AMZ1: variants seen among roughly 807,000 people sequenced by gnomAD.
AMZ1 encodes the protein archaelysin family metallopeptidase 1, also known as archaemetzincin-1.
Under a neutral mutation model 29.9 loss-of-function variants are expected in AMZ1, and 39 were observed. That is an observed-to-expected ratio of 1.30 (90% CI 1.01 to 1.70). AMZ1 has a LOEUF of 1.70. Ranked by LOEUF, AMZ1 falls within the 40% of genes most tolerant of loss-of-function variation. The pLI, the probability that AMZ1 is intolerant of heterozygous loss-of-function variation, is 0.00. For missense variants in AMZ1, 1,041 were observed against 680.6 expected, an observed-to-expected ratio of 1.53 and a Z score of -5.89; for synonymous variants, 458 against 304.0, an observed-to-expected ratio of 1.51 and a Z score of -5.27.
intron 4 of AMZ1, among the ~76,000 whole-genome samples, chr7:2,748,890 G>C (rs1259437402): frequency 2.6e-5 from 4 of 152,196 alleles, no homozygotes; most frequent in Non-Finnish European, 5.9e-5. Flanking sequence ...CATTTATGCA[G>C]CCAAAAGACA....
rs569737913 is a variant in AMZ1 at position 2,719,008 on chromosome 7, C to CTT, written c.*6145_*6146dup. ...GGAGGGAAGCTGCAAGAACAGGCGA[C>CTT]TTTTTTTTTTTTTTTTCCCCCCCAT... On this transcript the variant is annotated 3_prime_UTR_variant, in exon 7 of 7. Transcript: ENST00000683327. Among the ~76,000 whole-genome samples, 1,266 of 104,896 alleles carry CTT rather than the reference C, an allele frequency of 0.012. 16 individuals carry two copies. The highest frequency in any genetic ancestry group is 0.045 in the African/African-American group (1,191 of 26,708). 68.8% of individuals were successfully genotyped at this position (104,896 alleles called of 152,430 possible).
In AMZ1 at chr7:2,709,685, C is replaced by G; in HGVS notation, c.817C>G (p.Arg273Gly). Residue 273 changes from arginine (R) to glycine (G), a missense_variant, in exon 6 of 7, where the codon CGC (arginine) becomes GGC (glycine). Coordinates refer to ENST00000683327, the MANE Select transcript of AMZ1 (RefSeq NM_001384743.1). Reference sequence around the variant, plus strand: ...CCACCTTCTGGGCCTGGGGAACTGCCGCTGGCTCCGCTGCCTCATGCAGGG... The same window carrying G: ...CCACCTTCTGGGCCTGGGGAACTGCGGCTGGCTCCGCTGCCTCATGCAGGG... ...LCHLLGLGNCRWLRCLMQGAL... is the reference protein window; with the variant it reads ...LCHLLGLGNCGWLRCLMQGAL... 3 of 1,610,794 alleles carry G rather than the reference C, an allele frequency of 1.9e-6. No individual in the cohort carries two copies. The highest frequency in any genetic ancestry group is 2.5e-6 in the Non-Finnish European group (3 of 1,179,722).
intron 4 of AMZ1, 138 bp downstream of exon 4, chr7:2,708,854 T>G: frequency 2.9e-6 from 4 of 1,396,770 alleles, no homozygotes; most frequent in Non-Finnish European, 2.9e-6. Flanking sequence ...TGGGAATAGA[T>G]GGCCCCTTCC....
intron 4 of AMZ1, among the ~76,000 whole-genome samples, chr7:2,747,345 T>C (rs1268985343): frequency 1.3e-5 from 2 of 152,238 alleles, no homozygotes; most frequent in Non-Finnish European, 1.5e-5. Flanking sequence ...GCTTCATCCC[T>C]GGGATGCAAG....
chr7:2,741,444 A>C (rs1790499473), intron 4 of AMZ1, among the ~76,000 whole-genome samples: 1 of 152,044 alleles, frequency 6.6e-6, no homozygotes, highest in African/African-American at 2.4e-5. Context: ...AATCTCTAAA[A>C]CCCAGCAAGT....
upstream of AMZ1, chr7:2,762,297 G>A (rs1054096680): frequency 1.8e-5 from 5 of 275,258 alleles, no homozygotes; most frequent in African/African-American, 6.6e-5. Flanking sequence ...CGGGGCCGGC[G>A]TGCACCCACC....
intron 4 of AMZ1, among the ~76,000 whole-genome samples, chr7:2,754,822 T>A (rs1389732664): frequency 6.6e-6 from 1 of 152,192 alleles, no homozygotes; most frequent in Non-Finnish European, 1.5e-5. Context: ...AAAATTTGAT[T>A]TCAACGGATC....
rs1256621675 is a variant in AMZ1, at chr7:2,715,725, C to G, written c.*2847C>G. ...CTCTCCCCCGTGTTAGCCCCAGGTTCTGTCTGTGCTGTGGTGAAGAGTGAC... is the reference window on the plus strand; with the variant it reads ...CTCTCCCCCGTGTTAGCCCCAGGTTGTGTCTGTGCTGTGGTGAAGAGTGAC... On this transcript the variant is annotated 3_prime_UTR_variant, in exon 7 of 7. Coordinates refer to ENST00000683327, the MANE Select transcript of AMZ1 (RefSeq NM_001384743.1). The G allele has an allele frequency of 6.6e-6, 1 of 152,220 alleles. No homozygotes were observed. Among genetic ancestry groups the G allele is most frequent in the Non-Finnish European group, 1.5e-5 (1 of 68,052 alleles). 9.4% of individuals were successfully genotyped at this position (152,220 alleles called of 1,614,324 possible).
Position 2,713,652 on chromosome 7 carries a change from CTG to C in AMZ1, c.*776_*777del, listed in dbSNP as rs1039471264. 266 of 152,602 alleles carry C rather than the reference CTG, an allele frequency of 1.7e-3. No individual in the cohort carries two copies. The highest frequency in any genetic ancestry group is 6.3e-3 in the African/African-American group (260 of 41,590). The allele number at this position is 152,602 out of a possible 1,614,324, so 9.5% of individuals were successfully genotyped here. On this transcript the variant is annotated 3_prime_UTR_variant, in exon 7 of 7. Transcript: ENST00000683327. Reference sequence around the variant, plus strand: ...GGCGTCAACCACATGCACACACACACTGTCACGTTCTGTGGCGCTAACAGCAT... The same window carrying C: ...GGCGTCAACCACATGCACACACACACTCACGTTCTGTGGCGCTAACAGCAT...
chr7:2,733,644 G>A (rs1234011316), intron 4 of AMZ1: 26 of 656,940 alleles, frequency 4.0e-5, no homozygotes, highest in East Asian at 1.4e-4. Context: ...GAGAGTGTCC[G>A]TGTGTTTTCT....
At chr7:2,758,871 G>T (rs977625991) in intron 4 of AMZ1, among the ~76,000 whole-genome samples, 5 of 152,312 alleles carry the variant, frequency 3.3e-5, no homozygotes, top group Non-Finnish European at 7.3e-5. Context: ...TCTGCTGGGC[G>T]CGGTGGCTCA....
rs769240157 is a variant in AMZ1, at chr7:2,718,685, G to C, written c.*5807G>C. The stretch of plus-strand genomic sequence containing the variant: ...ACCATTTCTTCCAACACTTTCTCAC[G>C]TAGGAGCTCCACTGTCCCTTCTAAC... On this transcript the variant is annotated 3_prime_UTR_variant, in exon 7 of 7. Transcript: ENST00000683327. Among the ~76,000 whole-genome samples the C allele has an allele frequency of 6.6e-6, 1 of 152,214 alleles. No individual in the cohort carries two copies. Among genetic ancestry groups the C allele is most frequent in the African/African-American group, 2.4e-5 (1 of 41,460 alleles).
chr7:2,696,597 A>G lies in AMZ1; in HGVS notation c.-218-3637A>G, dbSNP rs542962763. On this transcript the variant is annotated intron_variant, in intron 1 of 6. Transcript: ENST00000683327. ...CTGCTGCTGATGACTTAGAACTTCC[A>G]GGGCTGGCCGGGCACGGTGGCTCAT... is the stretch of plus-strand genomic sequence containing the variant. Among the ~76,000 whole-genome samples, 5 of 151,318 alleles carry G rather than the reference A, an allele frequency of 3.3e-5. No homozygotes were observed. In the East Asian group the frequency reaches 1.0e-3, roughly 30 times the overall value.
At chr7:2,686,943 G>T (rs1446250719), upstream of AMZ1, among the ~76,000 whole-genome samples, 5 of 151,872 alleles carry the variant, frequency 3.3e-5, no homozygotes, top group Admixed American at 2.0e-4. Flanking sequence ...TTGAACTCCT[G>T]ACCTTGTGAT....
intron 4 of AMZ1, among the ~76,000 whole-genome samples, chr7:2,745,117 T>A (rs1790703460): frequency 6.6e-6 from 1 of 152,134 alleles, no homozygotes; most frequent in African/African-American, 2.4e-5. Context: ...CCAGGAAAAC[T>A]TCCCCAATCT....
chr7:2,695,880 G>T (rs951635471), intron 1 of AMZ1, among the ~76,000 whole-genome samples: 2 of 151,718 alleles, frequency 1.3e-5, no homozygotes, highest in South Asian at 2.1e-4. Flanking sequence ...CGTGGTGGCG[G>T]GCACCTGTAG....
chr7:2,731,633 G>A lies in AMZ1; in HGVS notation n.550+21817G>A, dbSNP rs980878134. On this transcript the variant is annotated intron_variant and non_coding_transcript_variant, in intron 4 of 4. Coordinates refer to the AMZ1 transcript ENST00000489665. The surrounding 1 kb of genome is among the most constrained non-coding windows in gnomAD (Gnocchi z 6.0). Reference sequence around the variant, plus strand: ...TGGAACCACTTCTGGCGCTGGGACCGCTGGCCGCCCACATCCACCATCTTA... The same window carrying A: ...TGGAACCACTTCTGGCGCTGGGACCACTGGCCGCCCACATCCACCATCTTA... 6.2e-7 allele frequency: 1 copy of A among 1,613,564 alleles called. No homozygotes were observed. Among genetic ancestry groups the A allele is most frequent in the Non-Finnish European group, 8.5e-7 (1 of 1,179,838 alleles).
In AMZ1 at chr7:2,741,606, T is replaced by A. The variant is rs534777766; in HGVS notation, n.551-23106T>A. 2.0e-5 allele frequency among the ~76,000 whole-genome samples: 3 copies of A among 152,278 alleles called. 1 individual carries two copies. In the East Asian group the frequency reaches 5.8e-4, roughly 29 times the overall value. ...AGGTATGTGTGAAAAGTTGCAAGAA[T>A]AGTACAAAGAGCTCATACAGTCTTT... On this transcript the variant is annotated intron_variant and non_coding_transcript_variant, in intron 4 of 4. Coordinates refer to the AMZ1 transcript ENST00000489665.
chr7:2,719,326 C>T lies in AMZ1; in HGVS notation c.*6448C>T, dbSNP rs570711514. Among the ~76,000 whole-genome samples, 6 of 152,322 alleles carry T rather than the reference C, an allele frequency of 3.9e-5. No individual in the cohort carries two copies. The highest frequency in any genetic ancestry group is 2.1e-4 in the South Asian group (1 of 4,820). The stretch of plus-strand genomic sequence containing the variant: ...TGATGGCATAACCTGATGTCTGTCA[C>T]GGACCCCCAAGCAGGAGCAATGCCT... On this transcript the variant is annotated 3_prime_UTR_variant, in exon 7 of 7. Transcript: ENST00000683327.
Sources: gnomAD v4.1 joint callset for allele counts (sites outside exome capture counted in the v4.1 genomes callset) on GRCh38, gnomAD v4.1.1 for gene constraint, Gnocchi (gnomAD v3.1) non-coding constraint, MANE v1.5 for transcripts, NCBI Gene and HGNC (gene_info 2026-07-23, HGNC 2026-07-21) for gene names.